Variants in PRND observed in about 807,000 individuals in gnomAD.
PRND encodes the protein prion-like protein doppel.
For synonymous variants in PRND, 94 were observed against 93.2 expected (o/e 1.01, Z -0.05); for missense variants, 227 against 223.3 (o/e 1.02, Z -0.11).
Position 4,726,954 on chromosome 20 carries a change from A to C in PRND, c.*1872A>C, listed in dbSNP as rs536659881. The C allele has an allele frequency of 1.2e-5, 2 of 167,170 alleles. No homozygotes were observed. Among genetic ancestry groups the C allele is most frequent in the African/African-American group, 4.8e-5 (2 of 41,528 alleles). The allele number at this position is 167,170 out of a possible 1,614,324, so 10.4% of individuals were successfully genotyped here. A position where few individuals can be genotyped will look rare whatever the true frequency, so the allele number is the denominator to read the frequency against. On this transcript the variant is annotated 3_prime_UTR_variant, in exon 2 of 2. Transcript: ENST00000305817. ...GGGTTCACGTCACTGCCAGAGCTAC[A>C]CTCGCCTTCTGCTTCCACGGTCCTG...
In PRND at chr20:4,724,810, G is replaced by C. The variant is rs139530076; in HGVS notation, c.259G>C (p.Asp87His). The C allele has an allele frequency of 1.9e-6, 3 of 1,614,192 alleles. No homozygotes were observed. The highest frequency in any genetic ancestry group is 2.5e-6 in the Non-Finnish European group (3 of 1,180,040). ...CGAGGCCAACTACTGGCAGTTCCCC[G>C]ATGGCATCCACTACAACGGCTGCTC... is the stretch of plus-strand genomic sequence containing the variant. ...YYEANYWQFPDGIHYNGCSEA... is the reference protein window; with the variant it reads ...YYEANYWQFPHGIHYNGCSEA... The change falls in exon 2 of 2, where the codon GAT becomes CAT. Residue 87 changes from aspartate (D) to histidine (H), a missense_variant. By Grantham distance (81) the Asp-to-His change is moderately conservative. Coordinates refer to ENST00000305817, the MANE Select transcript of PRND (RefSeq NM_012409.4). This position sits in a 1 kb window ranked among gnomAD's most constrained non-coding sequence, Gnocchi z 4.8.
At position 4,725,361 on chromosome 20, in the gene PRND, T is replaced by G; in HGVS notation, c.*279T>G. The G allele has an allele frequency of 2.4e-6, 1 of 420,252 alleles. No individual in the cohort carries two copies. The highest frequency in any genetic ancestry group is 3.7e-5 in the South Asian group (1 of 26,738). The allele number at this position is 420,252 out of a possible 1,614,324, so 26.0% of individuals were successfully genotyped here. ...TTGATGAGAAGAACACATCAGGCAC[T>G]GCGCCACCTGCTTCACAGTACTTCC... is the stretch of plus-strand genomic sequence containing the variant. On this transcript the variant is annotated 3_prime_UTR_variant, in exon 2 of 2. Coordinates refer to ENST00000305817, the MANE Select transcript of PRND (RefSeq NM_012409.4).
At position 4,726,136 on chromosome 20, in the gene PRND, A is replaced by ATCTTTTTTTT. The variant is rs530804777; in HGVS notation, c.*1055_*1056insCTTTTTTTTT. 8.3e-6 allele frequency: 1 copy of ATCTTTTTTTT among 120,448 alleles called. No individual in the cohort carries two copies. The highest frequency in any genetic ancestry group is 3.4e-5 in the African/African-American group (1 of 29,506). 7.5% of individuals were successfully genotyped at this position (120,448 alleles called of 1,614,324 possible). A position where few individuals can be genotyped will look rare whatever the true frequency, so the allele number is the denominator to read the frequency against. On this transcript the variant is annotated 3_prime_UTR_variant, in exon 2 of 2. Coordinates refer to ENST00000305817, the MANE Select transcript of PRND (RefSeq NM_012409.4). Reference sequence around the variant, plus strand: ...GGGCCTCCCATAGTGCTGGGATTCAATTTTTTTTTTTTTTTTTTCAAAAGA... The same window carrying ATCTTTTTTTT: ...GGGCCTCCCATAGTGCTGGGATTCAATCTTTTTTTTTTTTTTTTTTTTTTTTTTCAAAAGA...
At position 4,725,214 on chromosome 20, in the gene PRND, C is replaced by G; in HGVS notation, c.*132C>G. 8.5e-7 allele frequency: 1 copy of G among 1,180,192 alleles called. No individual in the cohort carries two copies. The allele number at this position is 1,180,192 out of a possible 1,614,324, so 73.1% of individuals were successfully genotyped here. On this transcript the variant is annotated 3_prime_UTR_variant, in exon 2 of 2. Transcript: ENST00000305817. ...GGCGATGCACTCGCACTGCAAATGC[C>G]GCTCTCACGTATGCGCCCTGGTATG...
In PRND at chr20:4,726,624, C is replaced by A. The variant is rs184698913; in HGVS notation, c.*1542C>A. 215 of 167,196 alleles carry A rather than the reference C, an allele frequency of 1.3e-3. No homozygotes were observed. The highest frequency in any genetic ancestry group is 1.9e-3 in the Non-Finnish European group (131 of 68,116). The allele number at this position is 167,196 out of a possible 1,614,324, so 10.4% of individuals were successfully genotyped here. On this transcript the variant is annotated 3_prime_UTR_variant, in exon 2 of 2. Coordinates refer to ENST00000305817, the MANE Select transcript of PRND (RefSeq NM_012409.4). ...GCGCTCCAGGCCACTCTCAGAGACT[C>A]CCAGGAGTTGTTGAACTATATTTGG...
Position 4,724,518 on chromosome 20 carries a change from A to C in PRND, c.-11-23A>C, listed in dbSNP as rs997535375. 1.2e-6 allele frequency: 2 copies of C among 1,613,274 alleles called. No homozygotes were observed. The highest frequency in any genetic ancestry group is 1.7e-6 in the Non-Finnish European group (2 of 1,179,970). On this transcript the variant is annotated intron_variant, in intron 1 of 1. Transcript: ENST00000305817. This position sits in a 1 kb window ranked among gnomAD's most constrained non-coding sequence, Gnocchi z 4.8. ...CCCAGGCAGGCCTGGTGGGGAGCTG[A>C]CCCACCGCCGTTTCTCTGGCAGGTT...
At chr20:4,722,334 G>A (rs1012005744) in intron 1 of PRND, among the ~76,000 whole-genome samples, 1 of 151,974 alleles carries the variant, frequency 6.6e-6, no homozygotes, top group Non-Finnish European at 1.5e-5. Context: ...ATGATGTGGA[G>A]TATGGCCCTA....
In PRND at chr20:4,725,880, G is replaced by C; in HGVS notation, c.*798G>C. The C allele has an allele frequency of 9.6e-6, 1 of 103,918 alleles. No homozygotes were observed. 6.4% of individuals were successfully genotyped at this position (103,918 alleles called of 1,614,324 possible). The stretch of plus-strand genomic sequence containing the variant: ...TCTTTCTCTTTTTTTTTTTTTTTTA[G>C]ATGGAGTTTTACTCTTGTTGCCCAG... On this transcript the variant is annotated 3_prime_UTR_variant, in exon 2 of 2. Transcript: ENST00000305817.
Position 4,725,963 on chromosome 20 carries a change from CACTTTTCCTGT to C in PRND, c.*882_*892del, listed in dbSNP as rs1923252945. 1 of 161,768 alleles carries C rather than the reference CACTTTTCCTGT, an allele frequency of 6.2e-6. No homozygotes were observed. The highest frequency in any genetic ancestry group is 2.4e-5 in the African/African-American group (1 of 40,886). The allele number at this position is 161,768 out of a possible 1,614,324, so 10.0% of individuals were successfully genotyped here. On this transcript the variant is annotated 3_prime_UTR_variant, in exon 2 of 2. Transcript: ENST00000305817. ...GCAGCCTCTGCCTCCCAGGCTCAAGCACTTTTCCTGTCTCAGCCTTCCGAGTAGCTGGGATT... is the reference window on the plus strand; with the variant it reads ...GCAGCCTCTGCCTCCCAGGCTCAAGCCTCAGCCTTCCGAGTAGCTGGGATT...
intron 1 of PRND, among the ~76,000 whole-genome samples, chr20:4,723,239 C>A (rs931504541): frequency 6.6e-6 from 1 of 152,336 alleles, no homozygotes; most frequent in Admixed American, 6.5e-5. Context: ...CCCCGCTGTG[C>A]AGCCTTGGGC....
Position 4,725,913 on chromosome 20 carries a change from T to G in PRND, c.*831T>G, listed in dbSNP as rs1923251151. 6.1e-6 allele frequency: 1 copy of G among 164,330 alleles called. No individual in the cohort carries two copies. Among genetic ancestry groups the G allele is most frequent in the Admixed American group, 6.7e-5 (1 of 14,890 alleles). 10.2% of individuals were successfully genotyped at this position (164,330 alleles called of 1,614,324 possible). A position where few individuals can be genotyped will look rare whatever the true frequency, so the allele number is the denominator to read the frequency against. ...TTTACTCTTGTTGCCCAGGCTGGAGTGCAACGGCATGATTTTGGCTCACTG... is the reference window on the plus strand; with the variant it reads ...TTTACTCTTGTTGCCCAGGCTGGAGGGCAACGGCATGATTTTGGCTCACTG... On this transcript the variant is annotated 3_prime_UTR_variant, in exon 2 of 2. Transcript: ENST00000305817.
At position 4,727,826 on chromosome 20, in the gene PRND, C is replaced by T. The variant is rs1923323860; in HGVS notation, c.*2744C>T. The T allele has an allele frequency of 7.0e-6, 1 of 143,492 alleles. No homozygotes were observed. Among genetic ancestry groups the T allele is most frequent in the Non-Finnish European group, 1.6e-5 (1 of 62,830 alleles). 8.9% of individuals were successfully genotyped at this position (143,492 alleles called of 1,614,324 possible). A position where few individuals can be genotyped will look rare whatever the true frequency, so the allele number is the denominator to read the frequency against. On this transcript the variant is annotated 3_prime_UTR_variant, in exon 2 of 2. Coordinates refer to ENST00000305817, the MANE Select transcript of PRND (RefSeq NM_012409.4). Reference sequence around the variant, plus strand: ...TTTGAGGCAGAGTCTCATTCTGTTGCCCAGGCTGGAGTGCAGTGGCGTGAT... The same window carrying T: ...TTTGAGGCAGAGTCTCATTCTGTTGTCCAGGCTGGAGTGCAGTGGCGTGAT...
intron 1 of PRND, 22 bp downstream of exon 1, chr20:4,721,991 T>C (rs1346683969): frequency 6.6e-6 from 1 of 152,232 alleles, no homozygotes; most frequent in Non-Finnish European, 1.5e-5. Flanking sequence ...GCCACTTCTG[T>C]GGTCAGGACT....
chr20:4,723,022 T>A (rs1923150086), intron 1 of PRND, among the ~76,000 whole-genome samples: 1 of 152,184 alleles, frequency 6.6e-6, no homozygotes, highest in African/African-American at 2.4e-5. Flanking sequence ...CAGGCCCTCC[T>A]GTCTTCCCTT....
At position 4,725,273 on chromosome 20, in the gene PRND, T is replaced by C; in HGVS notation, c.*191T>C. 1 of 671,660 alleles carries C rather than the reference T, an allele frequency of 1.5e-6. No individual in the cohort carries two copies. The allele number at this position is 671,660 out of a possible 1,614,324, so 41.6% of individuals were successfully genotyped here. A position where few individuals can be genotyped will look rare whatever the true frequency, so the allele number is the denominator to read the frequency against. On this transcript the variant is annotated 3_prime_UTR_variant, in exon 2 of 2. Transcript: ENST00000305817. ...TTCTGATAGATGGGGGACTGTGGCT[T>C]CTCCGTCACTCCATTCTCAGCCCCT...
In PRND at chr20:4,725,874, T is replaced by G. The variant is rs1923248908; in HGVS notation, c.*792T>G. 6.0e-6 allele frequency: 1 copy of G among 166,736 alleles called. No homozygotes were observed. Among genetic ancestry groups the G allele is most frequent in the Non-Finnish European group, 1.5e-5 (1 of 68,142 alleles). The allele number at this position is 166,736 out of a possible 1,614,324, so 10.3% of individuals were successfully genotyped here. On this transcript the variant is annotated 3_prime_UTR_variant, in exon 2 of 2. Coordinates refer to ENST00000305817, the MANE Select transcript of PRND (RefSeq NM_012409.4). ...AGATTTTCTTTCTCTTTTTTTTTTT[T>G]TTTTAGATGGAGTTTTACTCTTGTT...
Position 4,724,883 on chromosome 20 carries a change from C to A in PRND, c.332C>A (p.Ala111Asp). 2 of 1,614,206 alleles carry A rather than the reference C, an allele frequency of 1.2e-6. No homozygotes were observed. Among genetic ancestry groups the A allele is most frequent in the Non-Finnish European group, 1.7e-6 (2 of 1,180,026 alleles). ...GCATTTGTCACCGGCTGCATCAATG[C>A]CACCCAGGCGGCGAACCAGGGGGAG... ...KEAFVTGCIN[A>D]TQAANQGEFQ... The change falls in exon 2 of 2, where the codon GCC (alanine) becomes GAC (aspartate). Residue 111 changes from alanine to aspartate, a missense_variant. Physicochemically the swap from Ala to Asp is moderately radical, Grantham distance 126. Transcript: ENST00000305817. This position sits in a 1 kb window ranked among gnomAD's most constrained non-coding sequence, Gnocchi z 4.8.
Position 4,724,848 on chromosome 20 carries a change from G to A in PRND, c.297G>A (p.Val99=). The A allele has an allele frequency of 1.9e-6, 3 of 1,614,206 alleles. No homozygotes were observed. Among genetic ancestry groups the A allele is most frequent in the Non-Finnish European group, 1.7e-6 (2 of 1,180,046 alleles). Residue 99 remains valine (V), a synonymous_variant, in exon 2 of 2, where the codon GTG becomes GTA. Transcript: ENST00000305817. This position sits in a 1 kb window ranked among gnomAD's most constrained non-coding sequence, Gnocchi z 4.8. ...ACAACGGCTGCTCTGAGGCTAATGTGACCAAGGAGGCATTTGTCACCGGCT... is the reference window on the plus strand; with the variant it reads ...ACAACGGCTGCTCTGAGGCTAATGTAACCAAGGAGGCATTTGTCACCGGCT... ...IHYNGCSEAN[V]TKEAFVTGCI...
chr20:4,724,427 A>C lies in PRND; in HGVS notation c.-11-114A>C. 1 of 1,342,714 alleles carries C rather than the reference A, an allele frequency of 7.4e-7. No homozygotes were observed. Among genetic ancestry groups the C allele is most frequent in the Non-Finnish European group, 1.1e-6 (1 of 945,474 alleles). The allele number at this position is 1,342,714 out of a possible 1,614,324, so 83.2% of individuals were successfully genotyped here. ...GGGAAACAATTATGCTTTTGAGACC[A>C]CATAAATAGCACAAGGATGCGATTC... On this transcript the variant is annotated intron_variant, in intron 1 of 1. Coordinates refer to ENST00000305817, the MANE Select transcript of PRND (RefSeq NM_012409.4). The surrounding 1 kb of genome is among the most constrained non-coding windows in gnomAD (Gnocchi z 4.8).
Sources: gnomAD v4.1 joint callset for allele counts (sites outside exome capture counted in the v4.1 genomes callset) on GRCh38, gnomAD v4.1.1 for gene constraint, Gnocchi (gnomAD v3.1) non-coding constraint, MANE v1.5 for transcripts, NCBI Gene and HGNC (gene_info 2026-07-23, HGNC 2026-07-21) for gene names.